The following SERPINI1 variants were observed in gnomAD, a reference collection of about 807,000 sequenced individuals.
SERPINI1 encodes serpin family I member 1.
In SERPINI1, 19 loss-of-function variants were observed where a neutral mutation model predicts 41.1. The observed-to-expected ratio is 0.46, with a 90% confidence interval of 0.32 to 0.68. SERPINI1 has a LOEUF of 0.68. SERPINI1 is among the 30% of genes least tolerant of loss of function. The pLI is 0.03. For synonymous variants in SERPINI1, 138 were observed against 156.6 expected (o/e 0.88, Z 0.89); for missense variants, 460 against 479.2 (o/e 0.96, Z 0.37).
At chr3:167,801,735 TATATTA>T (rs1210522979) in intron 5 of SERPINI1, among the ~76,000 whole-genome samples, 5 of 152,160 alleles carry the variant, frequency 3.3e-5, no homozygotes, top group African/African-American at 4.8e-5. Context: ...AACGATTATT[TATATTA>T]ATATTATCTT....
chr3:167,784,713 C>T (rs1006112352), intron 1 of SERPINI1, among the ~76,000 whole-genome samples: 1 of 152,110 alleles, frequency 6.6e-6, no homozygotes, highest in Non-Finnish European at 1.5e-5. Context: ...ATGAGAACAG[C>T]AATGGGGAAG....
At chr3:167,816,734 G>C (rs1292419557) in intron 6 of SERPINI1, among the ~76,000 whole-genome samples, 5 of 152,132 alleles carry the variant, frequency 3.3e-5, no homozygotes, top group Non-Finnish European at 5.9e-5. Context: ...AGAGTGATCA[G>C]ATCTACTTTA....
chr3:167,792,855 C>T, intron 4 of SERPINI1, 71 bp downstream of exon 4: 1 of 1,313,482 alleles, frequency 7.6e-7, no homozygotes, highest in Admixed American at 1.7e-5. Context: ...AAACATGAAG[C>T]ATTCATATTC....
chr3:167,770,107 C>G (rs6801193), intron 1 of SERPINI1, among the ~76,000 whole-genome samples: 19,638 of 149,332 alleles, frequency 0.13, 1,619 homozygotes, highest in African/African-American at 0.23. Flanking sequence ...TCAGATATAA[C>G]ATATGCATAT....
At chr3:167,780,189 A>T (rs1340763657) in intron 1 of SERPINI1, among the ~76,000 whole-genome samples, 1 of 152,194 alleles carries the variant, frequency 6.6e-6, no homozygotes, top group Non-Finnish European at 1.5e-5. Context: ...ATCATTTATC[A>T]TGCATATGAC....
chr3:167,775,514 T>C (rs1726941061), intron 1 of SERPINI1, among the ~76,000 whole-genome samples: 1 of 152,060 alleles, frequency 6.6e-6, no homozygotes, highest in South Asian at 2.1e-4. Flanking sequence ...TACAACTCTG[T>C]TTATTAGCAA....
At chr3:167,785,095 G>A (rs988728799) in intron 1 of SERPINI1, among the ~76,000 whole-genome samples, 11 of 152,062 alleles carry the variant, frequency 7.2e-5, no homozygotes, top group African/African-American at 2.4e-4. Flanking sequence ...ACAAAAATTA[G>A]CTGGGCGTGG....
At chr3:167,736,006 C>G (rs1725406586) in intron 1 of SERPINI1, 183 bp downstream of exon 1, 2 of 152,178 alleles carry the variant, frequency 1.3e-5, no homozygotes, top group African/African-American at 4.8e-5. Flanking sequence ...AAGCTTGACT[C>G]TGGGTATAAA....
chr3:167,792,502 C>G (rs1577420458), intron 3 of SERPINI1, 88 bp from the exon 4 acceptor site: 1 of 1,072,288 alleles, frequency 9.3e-7, no homozygotes, highest in Non-Finnish European at 1.4e-6. Flanking sequence ...CTGGACCACT[C>G]TATCAGATGG....
Position 167,789,137 on chromosome 3 carries a change from C to G in SERPINI1, c.9C>G (p.Phe3Leu), listed in dbSNP as rs576049854. The change falls in exon 2 of 9, where the codon TTC becomes TTG. Residue 3 changes from phenylalanine to leucine, a missense_variant. Phe to Leu is a conservative substitution (Grantham distance 22). Coordinates refer to ENST00000446050, the MANE Select transcript of SERPINI1 (RefSeq NM_001122752.2). ...CTTGAAACTGTTACAATATGGCTTT[C>G]CTTGGACTCTTCTCTTTGCTGGTTC... MA[F>L]LGLFSLLVLQ... 1.2e-6 allele frequency: 2 copies of G among 1,613,982 alleles called. No individual in the cohort carries two copies. Among genetic ancestry groups the G allele is most frequent in the Admixed American group, 1.7e-5 (1 of 60,028 alleles).
chr3:167,783,842 T>C (rs1048026807), intron 1 of SERPINI1, among the ~76,000 whole-genome samples: 2 of 152,170 alleles, frequency 1.3e-5, no homozygotes, highest in African/African-American at 2.4e-5. Flanking sequence ...GGAAGAAAGA[T>C]CACTTAACTG....
chr3:167,777,922 G>C lies in SERPINI1; in HGVS notation c.-18-11189G>C, dbSNP rs573057267. Among the ~76,000 whole-genome samples, 22 of 152,304 alleles carry C rather than the reference G, an allele frequency of 1.4e-4. No homozygotes were observed. The East Asian group carries it at 3.9e-3, about 27-fold the overall frequency. ...ATGCTGTTATCATGGGAGTGGGCTGGTTATGGTAGGAGTTTGGCCTCCTTT... is the reference window on the plus strand; with the variant it reads ...ATGCTGTTATCATGGGAGTGGGCTGCTTATGGTAGGAGTTTGGCCTCCTTT... On this transcript the variant is annotated intron_variant, in intron 1 of 8. Transcript: ENST00000446050.
intron 5 of SERPINI1, among the ~76,000 whole-genome samples, chr3:167,806,560 A>G (rs1295888167): frequency 6.6e-6 from 1 of 152,164 alleles, no homozygotes; most frequent in Non-Finnish European, 1.5e-5. Context: ...TCCATTGATT[A>G]ATAGTTTTTT....
At chr3:167,762,967 T>C (rs1031484988) in intron 1 of SERPINI1, among the ~76,000 whole-genome samples, 78 of 152,296 alleles carry the variant, frequency 5.1e-4, no homozygotes, top group African/African-American at 1.8e-3. Context: ...GTCTGGACTT[T>C]GGAGCCAGAC....
chr3:167,772,455 T>C (rs1726789457), intron 1 of SERPINI1, among the ~76,000 whole-genome samples: 1 of 152,156 alleles, frequency 6.6e-6, no homozygotes, highest in Non-Finnish European at 1.5e-5. Flanking sequence ...AAGTTGAGCT[T>C]TGCCTCTTAC....
At chr3:167,762,008 G>T (rs1288944023) in intron 1 of SERPINI1, among the ~76,000 whole-genome samples, 1 of 152,074 alleles carries the variant, frequency 6.6e-6, no homozygotes, top group Non-Finnish European at 1.5e-5. Context: ...TAAGTAGAAT[G>T]CCATGAAAAA....
intron 1 of SERPINI1, among the ~76,000 whole-genome samples, chr3:167,769,420 A>G (rs534809269): frequency 6.6e-6 from 1 of 152,324 alleles, no homozygotes; most frequent in Non-Finnish European, 1.5e-5. Flanking sequence ...CTCCGAGTTA[A>G]CTATACAGAC....
At chr3:167,772,234 A>T (rs1726780808) in intron 1 of SERPINI1, among the ~76,000 whole-genome samples, 1 of 152,180 alleles carries the variant, frequency 6.6e-6, no homozygotes, top group Non-Finnish European at 1.5e-5. Flanking sequence ...TTGGGGAGAA[A>T]ATTGAGGTCA....
intron 1 of SERPINI1, among the ~76,000 whole-genome samples, chr3:167,779,155 G>T (rs62278358): frequency 0.058 from 8,770 of 152,126 alleles, 298 homozygotes; most frequent in Admixed American, 0.087. Context: ...CTAATTATTG[G>T]ATTATTCTAT....
Sources: allele counts gnomAD v4.1 joint callset (sites outside exome capture counted in the v4.1 genomes callset), GRCh38; gene constraint gnomAD v4.1.1; transcripts MANE v1.5; gene names NCBI Gene and HGNC (gene_info 2026-07-23, HGNC 2026-07-21).